The following VRK2 variants were observed in gnomAD, a reference collection of about 807,000 sequenced individuals.
The protein encoded by VRK2 is VRK serine/threonine kinase 2, also known as serine/threonine-protein kinase VRK2.
Under a neutral mutation model 57.6 loss-of-function variants are expected in VRK2, and 60 were observed. The observed-to-expected ratio is 1.04, with a 90% CI of 0.85 to 1.29. The LOEUF (loss-of-function observed/expected upper bound fraction) is 1.29. Among genes scored for constraint, VRK2 ranks in the 50% most tolerant of loss-of-function variants. The pLI is 0.00. For missense variants in VRK2, 705 were observed against 588.1 expected (o/e 1.20, Z -2.06); for synonymous variants, 231 against 199.2 (o/e 1.16, Z -1.35).
intron 7 of VRK2, among the ~76,000 whole-genome samples, chr2:58,114,717 C>A (rs540082762): frequency 0.077 from 7,599 of 98,258 alleles, no homozygotes; most frequent in Non-Finnish European, 0.096. Flanking sequence ...GCCTGAAAAA[C>A]TGCTTGGCTG....
intron 3 of VRK2, among the ~76,000 whole-genome samples, chr2:58,040,466 T>C (rs1674411753): frequency 6.6e-6 from 1 of 152,198 alleles, no homozygotes; most frequent in African/African-American, 2.4e-5. Flanking sequence ...GCAGTGAGAC[T>C]TAGAGGAAAA....
chr2:57,910,904 T>C (rs1669966539), intron 1 of VRK2, among the ~76,000 whole-genome samples: 1 of 152,196 alleles, frequency 6.6e-6, no homozygotes, highest in East Asian at 1.9e-4. Context: ...GTTTTAAGTC[T>C]GCTATGGCCC....
At chr2:58,102,248 A>AATTCT (rs1295345594) in intron 7 of VRK2, among the ~76,000 whole-genome samples, 5 of 151,594 alleles carry the variant, frequency 3.3e-5, no homozygotes, top group African/African-American at 1.2e-4. Context: ...CTCACATATT[A>AATTCT]ATATTAACCT....
chr2:58,063,554 C>A (rs1051119556), intron 2 of VRK2, among the ~76,000 whole-genome samples: 6 of 151,962 alleles, frequency 3.9e-5, no homozygotes, highest in African/African-American at 1.4e-4. Context: ...TTGAAACCTA[C>A]TTCTCAGAAA....
chr2:58,122,156 G>T (rs1323580750), intron 7 of VRK2, among the ~76,000 whole-genome samples: 1 of 152,126 alleles, frequency 6.6e-6, no homozygotes, highest in Non-Finnish European at 1.5e-5. Flanking sequence ...TAAAATAGTG[G>T]TGTTTCTTGT....
intron 3 of VRK2, among the ~76,000 whole-genome samples, chr2:58,041,334 G>A (rs941863937): frequency 5.3e-5 from 8 of 151,968 alleles, no homozygotes; most frequent in East Asian, 1.9e-4. Context: ...CTAAGCCCCC[G>A]AACTAACTGA....
At chr2:57,925,325 A>G (rs1385932267) in intron 1 of VRK2, among the ~76,000 whole-genome samples, 1 of 152,062 alleles carries the variant, frequency 6.6e-6, no homozygotes, top group Non-Finnish European at 1.5e-5. Context: ...CAGTGCTGCC[A>G]TTGGGTTGTA....
intron 1 of VRK2, among the ~76,000 whole-genome samples, chr2:57,930,247 T>A (rs534113775): frequency 6.6e-6 from 1 of 152,286 alleles, no homozygotes; most frequent in Admixed American, 6.5e-5. Flanking sequence ...CTAACTATTG[T>A]GATGGGCAAT....
intron 2 of VRK2, among the ~76,000 whole-genome samples, chr2:58,065,315 T>C (rs1668463451): frequency 6.6e-6 from 1 of 152,120 alleles, no homozygotes; most frequent in African/African-American, 2.4e-5. Flanking sequence ...CAGCCATTGA[T>C]CTATTCTGCA....
At chr2:58,126,489 A>C (rs1163605481) in intron 8 of VRK2, among the ~76,000 whole-genome samples, 2 of 152,258 alleles carry the variant, frequency 1.3e-5, no homozygotes, top group East Asian at 3.9e-4. Flanking sequence ...GTTGAAAGGG[A>C]AAAAAATTAG....
intron 1 of VRK2, among the ~76,000 whole-genome samples, chr2:57,961,363 G>C (rs1050443027): frequency 2.6e-5 from 4 of 152,188 alleles, no homozygotes; most frequent in Non-Finnish European, 5.9e-5. Context: ...GACCACAGGA[G>C]AGCAAGAGAA....
At chr2:57,951,612 G>T (rs1432511678) in intron 1 of VRK2, among the ~76,000 whole-genome samples, 1 of 152,150 alleles carries the variant, frequency 6.6e-6, no homozygotes, top group Non-Finnish European at 1.5e-5. Flanking sequence ...CTTATTTGAA[G>T]AAATTGCCAC....
At chr2:58,119,309 C>G (rs546810939) in intron 7 of VRK2, among the ~76,000 whole-genome samples, 1 of 149,332 alleles carries the variant, frequency 6.7e-6, no homozygotes, top group Non-Finnish European at 1.5e-5. Flanking sequence ...ACCAGCCTGG[C>G]TAACATGGTG....
intron 2 of VRK2, among the ~76,000 whole-genome samples, chr2:58,060,056 T>C (rs1161677839): frequency 6.6e-6 from 1 of 151,870 alleles, no homozygotes; most frequent in African/African-American, 2.4e-5. Context: ...AATGGAGAAT[T>C]AGTTATGTAA....
chr2:57,986,215 T>G lies in VRK2; in HGVS notation c.-438-39450T>G, dbSNP rs188649045. The stretch of plus-strand genomic sequence containing the variant: ...AATCAAGTCATCTCTCTTCTATATT[T>G]CTTTAAAAAAAAAAAGAATACCTAC... On this transcript the variant is annotated intron_variant, in intron 1 of 15. Transcript: ENST00000417641. Among the ~76,000 whole-genome samples, 8 of 152,008 alleles carry G rather than the reference T, an allele frequency of 5.3e-5. No individual in the cohort carries two copies. The East Asian group carries it at 1.5e-3, about 29-fold the overall frequency.
chr2:58,098,895 A>G (rs1411380076), intron 7 of VRK2, among the ~76,000 whole-genome samples: 1 of 152,108 alleles, frequency 6.6e-6, no homozygotes, highest in Admixed American at 6.6e-5. Flanking sequence ...TATTATGTTT[A>G]TAATTACAAA....
At chr2:57,967,254 T>A (rs1671949525) in intron 1 of VRK2, among the ~76,000 whole-genome samples, 1 of 152,006 alleles carries the variant, frequency 6.6e-6, no homozygotes, top group African/African-American at 2.4e-5. Context: ...GGGATAGCAT[T>A]AGGAGAAATA....
chr2:58,041,164 C>A (rs1387736599), intron 3 of VRK2: 1 of 687,834 alleles, frequency 1.5e-6, no homozygotes, highest in African/African-American at 1.9e-5. Flanking sequence ...AGAATCATAC[C>A]ACTTTTGGCT....
chr2:58,073,203 T>C (rs185402876), intron 2 of VRK2, among the ~76,000 whole-genome samples: 1 of 152,258 alleles, frequency 6.6e-6, no homozygotes, highest in Admixed American at 6.5e-5. Flanking sequence ...TTAAATTTGC[T>C]GAGGTATGTT....
Sources: gnomAD v4.1 joint callset for allele counts (sites outside exome capture counted in the v4.1 genomes callset) on GRCh38, gnomAD v4.1.1 for gene constraint, MANE v1.5 for transcripts, NCBI Gene and HGNC (gene_info 2026-07-23, HGNC 2026-07-21) for gene names.